Variants in SLC38A12 observed in about 807,000 individuals in gnomAD.
SLC38A12 encodes the protein putative sodium-coupled neutral amino acid transporter 12.
chr17:74,804,517 A>G, the SLC38A12 span, among the ~76,000 whole-genome samples: 1 of 152,238 alleles, frequency 6.6e-6, no homozygotes, highest in African/African-American at 2.4e-5. Flanking sequence ...TAATGATGAT[A>G]TCGGATGAAT....
the SLC38A12 span, among the ~76,000 whole-genome samples, chr17:74,818,982 CTT>C: frequency 2.5e-3 from 387 of 152,316 alleles, 2 homozygotes; most frequent in Middle Eastern, 0.01. Context: ...CAGAGTTTGA[CTT>C]TTGTTTTTTG....
At chr17:74,795,577 A>G in the SLC38A12 span, 7 of 1,614,030 alleles carry the variant, frequency 4.3e-6, no homozygotes, top group South Asian at 4.4e-5. Context: ...AAATACAATG[A>G]CACTGACCGG....
the SLC38A12 span, among the ~76,000 whole-genome samples, chr17:74,813,663 G>A: frequency 1.3e-5 from 2 of 152,138 alleles, no homozygotes; most frequent in Admixed American, 1.3e-4. Context: ...ACCACGCCTG[G>A]CTAATTTTTG....
At chr17:74,824,534 G>A in the SLC38A12 span, among the ~76,000 whole-genome samples, 2 of 152,174 alleles carry the variant, frequency 1.3e-5, no homozygotes, top group African/African-American at 4.8e-5. Flanking sequence ...ACCGACAGAT[G>A]CCTGCAGGCG....
the SLC38A12 span, among the ~76,000 whole-genome samples, chr17:74,801,966 G>A: frequency 1.5e-4 from 23 of 152,174 alleles, no homozygotes; most frequent in Non-Finnish European, 2.9e-4. Flanking sequence ...GCCAGGGACA[G>A]CGTGAACCCC....
chr17:74,827,102 AGGGG>A, the SLC38A12 span, among the ~76,000 whole-genome samples: 2 of 152,060 alleles, frequency 1.3e-5, no homozygotes, highest in Non-Finnish European at 2.9e-5. The surrounding 1 kb of genome is among the most constrained non-coding windows in gnomAD (Gnocchi z 4.7). Flanking sequence ...TTGGAGCACA[AGGGG>A]AGCTAGATGA....
At chr17:74,785,563 C>T in the SLC38A12 span, 1 of 1,614,178 alleles carries the variant, frequency 6.2e-7, no homozygotes, top group East Asian at 2.2e-5. Flanking sequence ...TGCCGGGTGG[C>T]TTGTCAGCCT....
the SLC38A12 span, among the ~76,000 whole-genome samples, chr17:74,780,945 CCT>C: frequency 6.6e-6 from 1 of 152,206 alleles, no homozygotes; most frequent in Non-Finnish European, 1.5e-5. Flanking sequence ...TTTCATTATA[CCT>C]CTCTCTACAG....
At chr17:74,787,356 C>T in the SLC38A12 span, among the ~76,000 whole-genome samples, 1 of 141,494 alleles carries the variant, frequency 7.1e-6, no homozygotes, top group Non-Finnish European at 1.6e-5. Flanking sequence ...GGCGCGGTGG[C>T]TCACACCTGT....
At chr17:74,793,959 T>C in the SLC38A12 span, among the ~76,000 whole-genome samples, 1 of 152,210 alleles carries the variant, frequency 6.6e-6, no homozygotes, top group African/African-American at 2.4e-5. Flanking sequence ...CTGCAGGCTC[T>C]TCTGAGCCAC....
At chr17:74,777,658 G>A in the SLC38A12 span, 9 of 1,353,776 alleles carry the variant, frequency 6.6e-6, no homozygotes, top group East Asian at 8.4e-5. Context: ...GGTGGCTCAC[G>A]CCTGTAATCC....
the SLC38A12 span, chr17:74,835,979 G>A: frequency 6.2e-7 from 1 of 1,612,058 alleles, no homozygotes; most frequent in South Asian, 1.1e-5. Context: ...ACGGACAAGG[G>A]GAGGGGCACC....
chr17:74,827,532 G>A, the SLC38A12 span, among the ~76,000 whole-genome samples: 3 of 152,096 alleles, frequency 2.0e-5, no homozygotes, highest in Admixed American at 6.5e-5. This position sits in a 1 kb window ranked among gnomAD's most constrained non-coding sequence, Gnocchi z 4.7. Context: ...CTGACCTCAA[G>A]TGATCCACCC....
chr17:74,795,009 C>T, the SLC38A12 span: 2 of 1,613,294 alleles, frequency 1.2e-6, no homozygotes, highest in Non-Finnish European at 1.7e-6. Context: ...GTGTTCCTTT[C>T]AGTGGGGGTC....
chr17:74,827,020 C>G, the SLC38A12 span, among the ~76,000 whole-genome samples: 2 of 152,140 alleles, frequency 1.3e-5, no homozygotes, highest in Non-Finnish European at 2.9e-5. The surrounding 1 kb of genome is among the most constrained non-coding windows in gnomAD (Gnocchi z 4.7). Context: ...TAAGGTGTTC[C>G]TGGGAACTGT....
At chr17:74,835,014 G>A in the SLC38A12 span, among the ~76,000 whole-genome samples, 1 of 152,234 alleles carries the variant, frequency 6.6e-6, no homozygotes, top group African/African-American at 2.4e-5. Context: ...ACTCAGCCTG[G>A]AGGGCGTGCT....
the SLC38A12 span, chr17:74,790,389 A>G: frequency 8.7e-7 from 1 of 1,149,710 alleles, no homozygotes; most frequent in Non-Finnish European, 1.3e-6. Context: ...CTCCCCGCAG[A>G]TTCTGGCATT....
the SLC38A12 span, chr17:74,795,590 C>A: frequency 5.0e-6 from 8 of 1,614,074 alleles, no homozygotes; most frequent in Admixed American, 8.3e-5. Context: ...CTGACCGGTG[C>A]TGGGGGCCCC....
the SLC38A12 span, among the ~76,000 whole-genome samples, chr17:74,783,304 CAGTG>C: frequency 6.6e-6 from 1 of 152,186 alleles, no homozygotes; most frequent in Non-Finnish European, 1.5e-5. Flanking sequence ...CCCACGGCCA[CAGTG>C]AGCTTCATAT....
Sources: allele counts gnomAD v4.1 joint callset (sites outside exome capture counted in the v4.1 genomes callset), GRCh38; gene constraint gnomAD v4.1.1; non-coding constraint Gnocchi (gnomAD v3.1); transcripts MANE v1.5; gene names NCBI Gene and HGNC (gene_info 2026-07-23, HGNC 2026-07-21).